TRAF3: variants seen among roughly 807,000 people sequenced by gnomAD.
TRAF3 encodes TNF receptor-associated factor 3.
TRAF3 carries 13 observed loss-of-function variants against 62.3 expected under a neutral mutation model. The observed-to-expected ratio is 0.21, with a 90% CI of 0.14 to 0.33. TRAF3 has a LOEUF of 0.33. Among genes scored for constraint, TRAF3 ranks in the 10% least tolerant of loss-of-function variants. TRAF3 has a pLI of 1.00. For synonymous variants in TRAF3, 269 were observed against 283.4 expected (o/e 0.95, Z 0.51); for missense variants, 440 against 741.8 (o/e 0.59, Z 4.73).
intron 1 of TRAF3, among the ~76,000 whole-genome samples, chr14:102,782,571 A>G (rs1356425675): frequency 6.6e-6 from 1 of 151,226 alleles, no homozygotes; most frequent in African/African-American, 2.4e-5. Flanking sequence ...TCCCCAACCT[A>G]CTCCTCTGTC....
At chr14:102,901,050 GT>G (rs1209122228) in intron 10 of TRAF3, among the ~76,000 whole-genome samples, 2 of 152,236 alleles carry the variant, frequency 1.3e-5, no homozygotes, top group African/African-American at 2.4e-5. Flanking sequence ...TGAAGTGCCT[GT>G]TTTAAAAATA....
Position 102,886,322 on chromosome 14 carries a change from C to G in TRAF3, c.651+53C>G, listed in dbSNP as rs947293763. On this transcript the variant is annotated intron_variant, in intron 7 of 11. Transcript: ENST00000392745. ...TCTGTGGAGTCCTCAGGGCTGCGTG[C>G]CTGGCTCCCCTTCCCTGCATAGCCG... 13 of 1,478,834 alleles carry G rather than the reference C, an allele frequency of 8.8e-6. No homozygotes were observed. The South Asian group carries it at 1.5e-4, about 17-fold the overall frequency. 91.6% of individuals were successfully genotyped at this position (1,478,834 alleles called of 1,614,324 possible). A position where few individuals can be genotyped will look rare whatever the true frequency, so the allele number is the denominator to read the frequency against.
chr14:102,866,460 A>G (rs1887999040), intron 2 of TRAF3, among the ~76,000 whole-genome samples: 1 of 152,236 alleles, frequency 6.6e-6, no homozygotes, highest in Admixed American at 6.5e-5. Flanking sequence ...GACATCTGTA[A>G]TACATAAAAC....
intron 2 of TRAF3, among the ~76,000 whole-genome samples, chr14:102,848,671 A>C (rs1354510490): frequency 6.6e-6 from 1 of 152,176 alleles, no homozygotes; most frequent in Non-Finnish European, 1.5e-5. Flanking sequence ...ATTGCAGTTA[A>C]CTGATAGGTC....
At chr14:102,871,127 G>A (rs1395066904) in intron 3 of TRAF3, among the ~76,000 whole-genome samples, 4 of 152,206 alleles carry the variant, frequency 2.6e-5, no homozygotes, top group South Asian at 2.1e-4. Context: ...AGGGCATGTC[G>A]GCCTGGGAAG....
chr14:102,894,949 G>A (rs1039910287), intron 9 of TRAF3: 4 of 363,624 alleles, frequency 1.1e-5, no homozygotes, highest in African/African-American at 8.5e-5. Context: ...TGGTCCGTCT[G>A]CCTCAGCCTT....
intron 10 of TRAF3, among the ~76,000 whole-genome samples, chr14:102,899,296 G>T (rs1890158556): frequency 6.6e-6 from 1 of 152,212 alleles, no homozygotes; most frequent in East Asian, 1.9e-4. Flanking sequence ...GCCCAGAGGT[G>T]CTGGCTGTGT....
At chr14:102,901,796 G>A (rs528299666) in intron 10 of TRAF3, among the ~76,000 whole-genome samples, 1 of 152,350 alleles carries the variant, frequency 6.6e-6, no homozygotes, top group East Asian at 1.9e-4. Flanking sequence ...ATAACAGCCA[G>A]CAAAGGTGCT....
At chr14:102,831,773 A>G (rs1595341466) in intron 2 of TRAF3, among the ~76,000 whole-genome samples, 1 of 152,160 alleles carries the variant, frequency 6.6e-6, no homozygotes, top group Non-Finnish European at 1.5e-5. Context: ...TGGGATTTTG[A>G]GAATATCTAA....
At chr14:102,834,559 C>T (rs934268692) in intron 2 of TRAF3, among the ~76,000 whole-genome samples, 4 of 151,708 alleles carry the variant, frequency 2.6e-5, no homozygotes. Flanking sequence ...TGGTGGCGGG[C>T]GCCTGTAGTC....
chr14:102,891,521 A>G, intron 9 of TRAF3, 104 bp downstream of exon 9: 1 of 1,248,080 alleles, frequency 8.0e-7, no homozygotes, highest in Non-Finnish European at 1.1e-6. Context: ...GATAAAAGAA[A>G]CTATCAAGAG....
intron 2 of TRAF3, among the ~76,000 whole-genome samples, chr14:102,854,801 G>GTTTT (rs35634271): frequency 7.3e-6 from 1 of 136,870 alleles, no homozygotes. Context: ...GCACCTGGCT[G>GTTTT]TTTTTTTTTT....
intron 6 of TRAF3, among the ~76,000 whole-genome samples, chr14:102,881,434 A>G (rs1889059585): frequency 1.3e-5 from 2 of 152,106 alleles, no homozygotes; most frequent in Non-Finnish European, 1.5e-5. Flanking sequence ...GAGATCATCT[A>G]CTTTGCAGGG....
rs965169259 is a variant in TRAF3 at position 102,789,603 on chromosome 14, T to C, written c.-157+11928T>C. On this transcript the variant is annotated intron_variant, in intron 1 of 11. Coordinates refer to ENST00000392745, the MANE Select transcript of TRAF3 (RefSeq NM_145725.3). The stretch of plus-strand genomic sequence containing the variant: ...AACTACAAAAGGATATATGTGTGTG[T>C]GTGTGTGTGTGTGTGTGTGTGGTAT... 2.2e-4 allele frequency among the ~76,000 whole-genome samples: 33 copies of C among 151,600 alleles called. No homozygotes were observed. In the East Asian group the frequency reaches 5.4e-3, roughly 25 times the overall value.
At chr14:102,824,172 T>A (rs1463598578) in intron 1 of TRAF3, among the ~76,000 whole-genome samples, 1 of 152,210 alleles carries the variant, frequency 6.6e-6, no homozygotes, top group African/African-American at 2.4e-5. Context: ...AGATTCCCAT[T>A]TATGTTTGTA....
chr14:102,858,209 T>C (rs1887486168), intron 2 of TRAF3, among the ~76,000 whole-genome samples: 1 of 151,958 alleles, frequency 6.6e-6, no homozygotes, highest in Admixed American at 6.6e-5. Flanking sequence ...TGGCATGCAA[T>C]GGCGTGATCT....
chr14:102,783,934 A>T (rs1171521316), intron 1 of TRAF3, among the ~76,000 whole-genome samples: 2 of 152,224 alleles, frequency 1.3e-5, no homozygotes, highest in African/African-American at 4.8e-5. Context: ...ATGGGAAAGC[A>T]TTGTGCAAAT....
At chr14:102,831,464 C>T (rs971182661) in intron 2 of TRAF3, among the ~76,000 whole-genome samples, 2 of 152,146 alleles carry the variant, frequency 1.3e-5, no homozygotes, top group African/African-American at 4.8e-5. Context: ...CTTGGTTTAC[C>T]ACATGGTGAA....
rs1900294127 is a variant in TRAF3 at position 102,826,097 on chromosome 14, CG to C, written c.-156-4236del. 6.6e-6 allele frequency among the ~76,000 whole-genome samples: 1 copy of C among 152,202 alleles called. No individual in the cohort carries two copies. Among genetic ancestry groups the C allele is most frequent in the South Asian group, 2.1e-4 (1 of 4,832 alleles). ...CTGTAACTCGAATCCCTCCCACCCC[CG>C]TGAGGTAACAACGTCTTTTCCAGTT... is the stretch of plus-strand genomic sequence containing the variant. On this transcript the variant is annotated intron_variant, in intron 1 of 11. Transcript: ENST00000392745. This position sits in a 1 kb window ranked among gnomAD's most constrained non-coding sequence, Gnocchi z 4.6.
Sources: gnomAD v4.1 joint callset for allele counts (sites outside exome capture counted in the v4.1 genomes callset) on GRCh38, gnomAD v4.1.1 for gene constraint, Gnocchi (gnomAD v3.1) non-coding constraint, MANE v1.5 for transcripts, NCBI Gene and HGNC (gene_info 2026-07-23, HGNC 2026-07-21) for gene names.